IGFBP7: variants seen among roughly 807,000 people sequenced by gnomAD.
IGFBP7 encodes the protein insulin-like growth factor-binding protein 7.
IGFBP7 carries 31 observed loss-of-function variants against 29.4 expected under a neutral mutation model. The observed-to-expected ratio is 1.05, with a 90% CI of 0.79 to 1.42. The LOEUF (loss-of-function observed/expected upper bound fraction) is 1.42, where lower values mean the gene tolerates loss of function less well. IGFBP7 is among the 40% of genes most tolerant of loss of function. The pLI, the probability that IGFBP7 is intolerant of heterozygous loss-of-function variation, is 0.00. For synonymous variants in IGFBP7, 172 were observed against 174.9 expected (o/e 0.98, Z 0.13); for missense variants, 393 against 395.5 (o/e 0.99, Z 0.05).
chr4:57,069,810 C>T (rs6857597), intron 1 of IGFBP7, among the ~76,000 whole-genome samples: 11,717 of 152,082 alleles, frequency 0.077, 567 homozygotes, highest in African/African-American at 0.13. Flanking sequence ...GGGTCAGGTG[C>T]GGTGGCTCCC....
intron 1 of IGFBP7, among the ~76,000 whole-genome samples, chr4:57,103,560 G>C (rs960925030): frequency 2.0e-5 from 3 of 151,800 alleles, no homozygotes; most frequent in Non-Finnish European, 4.4e-5. Flanking sequence ...GGCTAAATCA[G>C]GCTATTTAAC....
In IGFBP7 at chr4:57,073,164, TTTTTA is replaced by T; in HGVS notation, c.476-32236_476-32232del. The T allele has an allele frequency of 1.0e-5, 16 of 1,547,918 alleles. No individual in the cohort carries two copies. In the South Asian group the frequency reaches 1.8e-4, roughly 18 times the overall value. On this transcript the variant is annotated intron_variant, in intron 1 of 4. Coordinates refer to ENST00000295666, the MANE Select transcript of IGFBP7 (RefSeq NM_001553.3). The stretch of plus-strand genomic sequence containing the variant: ...CTGCCCAGCCTGTCCTTGTGTCGTC[TTTTTA>T]AGTTTTCCTTAGATGGTCTGTCCTT...
chr4:57,040,198 A>G (rs561471821), intron 2 of IGFBP7, among the ~76,000 whole-genome samples: 1 of 152,236 alleles, frequency 6.6e-6, no homozygotes, highest in Non-Finnish European at 1.5e-5. Context: ...AAGTGCCCTT[A>G]AAATGTACTC....
At chr4:57,051,049 G>A (rs986502246) in intron 1 of IGFBP7, among the ~76,000 whole-genome samples, 1 of 152,194 alleles carries the variant, frequency 6.6e-6, no homozygotes, top group African/African-American at 2.4e-5. Flanking sequence ...GAGATAGAGA[G>A]TTCAGACAAC....
At position 57,094,737 on chromosome 4, in the gene IGFBP7, C is replaced by T. The variant is rs1273900357; in HGVS notation, c.475+15140G>A. On this transcript the variant is annotated intron_variant, in intron 1 of 4. Coordinates refer to ENST00000295666, the MANE Select transcript of IGFBP7 (RefSeq NM_001553.3). The stretch of plus-strand genomic sequence containing the variant: ...CACACTTGGGTTCTGCCCTCGGAAT[C>T]CTTGGTAGTTCTCTAATGCTTGTTG... Among the ~76,000 whole-genome samples the T allele has an allele frequency of 2.0e-5, 3 of 152,222 alleles. No individual in the cohort carries two copies. The East Asian group carries it at 5.8e-4, about 29-fold the overall frequency.
intron 1 of IGFBP7, among the ~76,000 whole-genome samples, chr4:57,046,050 A>G (rs970362305): frequency 2.0e-5 from 3 of 152,120 alleles, no homozygotes; most frequent in African/African-American, 7.2e-5. Context: ...AAAGCAAATT[A>G]CAGAAGTTTT....
chr4:57,052,543 T>C (rs1724530049), intron 1 of IGFBP7, among the ~76,000 whole-genome samples: 1 of 152,194 alleles, frequency 6.6e-6, no homozygotes, highest in Non-Finnish European at 1.5e-5. Context: ...TCCCTCTCAC[T>C]AGTTTCTCCA....
chr4:57,089,232 A>C (rs180821904), intron 1 of IGFBP7, among the ~76,000 whole-genome samples: 10 of 152,198 alleles, frequency 6.6e-5, no homozygotes, highest in Non-Finnish European at 1.2e-4. Context: ...AAGTTTATAC[A>C]ATTTATAAAA....
rs1725079599 is a variant in IGFBP7 at position 57,072,601 on chromosome 4, T to C, written c.476-31668A>G. ...TATCTTTCTGTCAGTGCCACCTAGA[T>C]GGCCTGTCAAAACCTTGACCCAGCC... On this transcript the variant is annotated intron_variant, in intron 1 of 4. Transcript: ENST00000295666. 15 of 272,092 alleles carry C rather than the reference T, an allele frequency of 5.5e-5. No individual in the cohort carries two copies. The South Asian group carries it at 5.7e-4, about 10-fold the overall frequency. The allele number at this position is 272,092 out of a possible 1,614,324, so 16.9% of individuals were successfully genotyped here. A position where few individuals can be genotyped will look rare whatever the true frequency, so the allele number is the denominator to read the frequency against.
intron 1 of IGFBP7, among the ~76,000 whole-genome samples, chr4:57,059,026 A>C (rs907597410): frequency 3.9e-5 from 6 of 152,250 alleles, no homozygotes; most frequent in African/African-American, 1.4e-4. Context: ...AGAGAAATGC[A>C]GATCAAAACC....
chr4:57,042,698 T>C (rs1724260701), intron 1 of IGFBP7, among the ~76,000 whole-genome samples: 1 of 152,246 alleles, frequency 6.6e-6, no homozygotes, highest in Admixed American at 6.5e-5. Context: ...TTTCATGACG[T>C]GTGAAAATTG....
At chr4:57,031,384 G>T (rs985345849) in intron 4 of IGFBP7, 48 bp from the exon 5 acceptor site, 8 of 1,463,326 alleles carry the variant, frequency 5.5e-6, no homozygotes, top group Non-Finnish European at 7.5e-6. Flanking sequence ...ATGGGGATGT[G>T]GTTGACTTTT....
chr4:57,044,813 T>TC lies in IGFBP7; in HGVS notation c.476-3881dup, dbSNP rs774583222. ...TAGAGGGCAGATCTAATATATCTGT[T>TC]CCCCCCCAATCATCTTACTATTCCA... On this transcript the variant is annotated intron_variant, in intron 1 of 4. Coordinates refer to ENST00000295666, the MANE Select transcript of IGFBP7 (RefSeq NM_001553.3). Among the ~76,000 whole-genome samples the TC allele has an allele frequency of 1.7e-3, 261 of 152,160 alleles. 1 individual carries two copies. The highest frequency in any genetic ancestry group is 2.3e-3 in the Non-Finnish European group (155 of 67,992).
intron 1 of IGFBP7, among the ~76,000 whole-genome samples, chr4:57,101,352 G>A (rs1241837135): frequency 2.0e-5 from 3 of 152,282 alleles, no homozygotes; most frequent in African/African-American, 7.2e-5. Context: ...TGTTTCACCT[G>A]AAATGAACCT....
At position 57,070,088 on chromosome 4, in the gene IGFBP7, CAA is replaced by C. The variant is rs542389149; in HGVS notation, c.476-29157_476-29156del. 3.0e-4 allele frequency among the ~76,000 whole-genome samples: 45 copies of C among 152,176 alleles called. No homozygotes were observed. The East Asian group carries it at 8.3e-3, about 28-fold the overall frequency. On this transcript the variant is annotated intron_variant, in intron 1 of 4. Coordinates refer to ENST00000295666, the MANE Select transcript of IGFBP7 (RefSeq NM_001553.3). ...AAAGTGAGATCCTGTCTCAAAAAAA[CAA>C]AAGACAAAAAACACCGAAATGGAAG...
chr4:57,074,058 TCTCTCTC>T (rs148228632), intron 1 of IGFBP7, among the ~76,000 whole-genome samples: 109,049 of 148,732 alleles, frequency 0.73, 40,260 homozygotes, highest in East Asian at 0.85. Context: ...TCTCTCTCTC[TCTCTCTC>T]TCTTTTTTCT....
At chr4:57,032,228 TA>T in intron 4 of IGFBP7, 197 bp downstream of exon 4, 1 of 1,381,880 alleles carries the variant, frequency 7.2e-7, no homozygotes, top group Non-Finnish European at 9.4e-7. Context: ...TAAGTCATAA[TA>T]ACGATGTTCA....
intron 2 of IGFBP7, among the ~76,000 whole-genome samples, chr4:57,040,501 GACAC>G (rs1166524354): frequency 3.9e-5 from 6 of 152,256 alleles, no homozygotes; most frequent in South Asian, 2.1e-4. Flanking sequence ...CGCAAACACA[GACAC>G]ACACACTTTC....
intron 2 of IGFBP7, among the ~76,000 whole-genome samples, chr4:57,034,279 C>T (rs1347132851): frequency 6.6e-6 from 1 of 151,890 alleles, no homozygotes; most frequent in East Asian, 1.9e-4. Flanking sequence ...TCACTTGTAG[C>T]TCCTCGATAC....
Sources: allele counts gnomAD v4.1 joint callset (sites outside exome capture counted in the v4.1 genomes callset), GRCh38; gene constraint gnomAD v4.1.1; transcripts MANE v1.5; gene names NCBI Gene and HGNC (gene_info 2026-07-23, HGNC 2026-07-21).